Variants in FOXO3 observed in about 807,000 individuals in gnomAD.
The protein encoded by FOXO3 is forkhead box protein O3.
Under a neutral mutation model 41.9 loss-of-function variants are expected in FOXO3, and 4 were observed. That is an observed-to-expected ratio of 0.10 (90% CI 0.05 to 0.22). FOXO3 has a LOEUF of 0.22. FOXO3 is among the 10% of genes least tolerant of loss of function. The pLI, the probability that FOXO3 is intolerant of heterozygous loss-of-function variation, is 1.00. For missense variants in FOXO3, 534 were observed against 906.8 expected (o/e 0.59, Z 5.28); for synonymous variants, 318 against 389.3 (o/e 0.82, Z 2.16).
intron 1 of FOXO3, among the ~76,000 whole-genome samples, chr6:108,638,978 G>A (rs775191070): frequency 6.6e-6 from 1 of 152,196 alleles, no homozygotes; most frequent in Non-Finnish European, 1.5e-5. Context: ...GCCATCCAGA[G>A]TCCTTTTCCA....
chr6:108,618,175 T>C, intron 1 of FOXO3: 1 of 999,236 alleles, frequency 1.0e-6, no homozygotes, highest in Non-Finnish European at 1.6e-6. Context: ...TACTAAGTGG[T>C]GTATGCCTCT....
chr6:108,649,493 C>T (rs987505407), intron 1 of FOXO3, among the ~76,000 whole-genome samples: 21 of 150,454 alleles, frequency 1.4e-4, no homozygotes, highest in Non-Finnish European at 3.1e-4. Context: ...AGCTGATATC[C>T]CTAGTTCACC....
chr6:108,635,298 A>T (rs1040746036), intron 1 of FOXO3, among the ~76,000 whole-genome samples: 8 of 151,706 alleles, frequency 5.3e-5, no homozygotes, highest in African/African-American at 1.5e-4. Context: ...CCATCTCAAA[A>T]AAAAATAATA....
chr6:108,660,031 G>C (rs1778797643), intron 1 of FOXO3, among the ~76,000 whole-genome samples: 1 of 152,210 alleles, frequency 6.6e-6, no homozygotes, highest in South Asian at 2.1e-4. Flanking sequence ...AGTTAATTCT[G>C]TGTGTTGGTG....
intron 1 of FOXO3, among the ~76,000 whole-genome samples, chr6:108,590,909 C>T (rs1223439477): frequency 2.0e-5 from 3 of 152,210 alleles, no homozygotes; most frequent in Non-Finnish European, 4.4e-5. Context: ...CATCCTAGCT[C>T]AGCTGCCTCC....
Position 108,663,893 on chromosome 6 carries a change from C to T in FOXO3, c.1060C>T (p.Leu354=). 1.2e-6 allele frequency: 2 copies of T among 1,614,224 alleles called. No homozygotes were observed. Among genetic ancestry groups the T allele is most frequent in the Non-Finnish European group, 1.7e-6 (2 of 1,180,030 alleles). The stretch of plus-strand genomic sequence containing the variant: ...CATGCTCTACAGCAGCTCAGCCAGC[C>T]TGTCACCTTCAGTAAGCAAGCCGTG... The part of the protein sequence containing the change: ...SPMLYSSSAS[L]SPSVSKPCTV... Residue 354 remains leucine, a synonymous_variant, in exon 2 of 3, where the codon CTG becomes TTG. Transcript: ENST00000406360.
intron 1 of FOXO3, among the ~76,000 whole-genome samples, chr6:108,632,676 T>C (rs527281062): frequency 6.6e-6 from 1 of 152,276 alleles, no homozygotes; most frequent in South Asian, 2.1e-4. Flanking sequence ...ACGTTTGAGC[T>C]AGTGATCTGC....
chr6:108,670,603 T>C (rs4945815), intron 2 of FOXO3, among the ~76,000 whole-genome samples: 147,073 of 152,190 alleles, frequency 0.97, 71,161 homozygotes, highest in Non-Finnish European at 1. Flanking sequence ...CATTATGAAC[T>C]TTTTAGGGTA....
At chr6:108,579,000 C>T (rs1776337503) in intron 1 of FOXO3, among the ~76,000 whole-genome samples, 1 of 152,168 alleles carries the variant, frequency 6.6e-6, no homozygotes, top group Non-Finnish European at 1.5e-5. Flanking sequence ...GATCAGCTAG[C>T]TATATCAAAC....
chr6:108,684,525 A>G lies in FOXO3; in HGVS notation c.*4733A>G, dbSNP rs540899741. ...TCATCCTTCTTTCAATGCGAACACT[A>G]TCATATGGCATTCTTACTGAGGATT... On this transcript the variant is annotated 3_prime_UTR_variant, in exon 3 of 3. Coordinates refer to ENST00000406360, the MANE Select transcript of FOXO3 (RefSeq NM_001455.4). 1 of 152,704 alleles carries G rather than the reference A, an allele frequency of 6.5e-6. No homozygotes were observed. Among genetic ancestry groups the G allele is most frequent in the South Asian group, 2.1e-4 (1 of 4,826 alleles). The allele number at this position is 152,704 out of a possible 1,614,324, so 9.5% of individuals were successfully genotyped here.
intron 1 of FOXO3, among the ~76,000 whole-genome samples, chr6:108,589,055 T>A (rs1201129923): frequency 2.6e-5 from 4 of 152,180 alleles, no homozygotes; most frequent in African/African-American, 9.7e-5. Context: ...TTTGGTCCAG[T>A]GTGATGGAGA....
intron 2 of FOXO3, among the ~76,000 whole-genome samples, chr6:108,679,558 A>G (rs1770766374): frequency 6.6e-6 from 1 of 152,130 alleles, no homozygotes; most frequent in African/African-American, 2.4e-5. Flanking sequence ...TTTATCTCCC[A>G]AAGTGAATGA....
rs142210520 is a variant in FOXO3 at position 108,613,861 on chromosome 6, G to A, written c.622-49594G>A. Among the ~76,000 whole-genome samples the A allele has an allele frequency of 7.6e-3, 1,154 of 152,056 alleles. 7 individuals carry two copies. The highest frequency in any genetic ancestry group is 0.011 in the Non-Finnish European group (732 of 67,968). On this transcript the variant is annotated intron_variant, in intron 1 of 2. Transcript: ENST00000406360. The stretch of plus-strand genomic sequence containing the variant: ...TGAGACCTTCCTTCCTAATATAAAT[G>A]TTGAAAGCTATACATTCCTTGCTAC...
intron 1 of FOXO3, among the ~76,000 whole-genome samples, chr6:108,582,048 A>G (rs1007764976): frequency 3.9e-5 from 6 of 152,234 alleles, no homozygotes; most frequent in Non-Finnish European, 8.8e-5. Context: ...AAAGCCCTAC[A>G]AACAATGTCA....
At chr6:108,614,970 A>G (rs889992371) in intron 1 of FOXO3, among the ~76,000 whole-genome samples, 6 of 152,042 alleles carry the variant, frequency 3.9e-5, no homozygotes, top group African/African-American at 1.2e-4. Context: ...GGATTTACAC[A>G]TCTTTAACTG....
rs534664123 is a variant in FOXO3, at chr6:108,656,531, G to A, written c.622-6924G>A. 424 of 984,720 alleles carry A rather than the reference G, an allele frequency of 4.3e-4. 6 individuals are homozygous for A. In the South Asian group the frequency reaches 0.016, roughly 37 times the overall value. 61.0% of individuals were successfully genotyped at this position (984,720 alleles called of 1,614,324 possible). ...TTTTGGCTTAAAGTATATGATGCTC[G>A]GAAAACAGTAAGTTAACATTTATGA... On this transcript the variant is annotated intron_variant, in intron 1 of 2. Transcript: ENST00000406360.
intron 2 of FOXO3, among the ~76,000 whole-genome samples, chr6:108,666,077 A>G (rs187286490): frequency 7.9e-5 from 12 of 152,204 alleles, no homozygotes; most frequent in African/African-American, 1.4e-4. Context: ...GCCCACTTCT[A>G]CCACTTTCTT....
intron 1 of FOXO3, among the ~76,000 whole-genome samples, chr6:108,622,467 C>CCCCTTGCCCCT (rs1777696909): frequency 6.6e-6 from 1 of 152,136 alleles, no homozygotes; most frequent in Non-Finnish European, 1.5e-5. Context: ...TGGAGAATTA[C>CCCCTTGCCCCT]TGCAAGGATC....
At chr6:108,612,898 T>G (rs973827345) in intron 1 of FOXO3, among the ~76,000 whole-genome samples, 2 of 152,202 alleles carry the variant, frequency 1.3e-5, no homozygotes, top group African/African-American at 4.8e-5. Context: ...TTGTCACATA[T>G]TTCCTTTATC....
Sources: gnomAD v4.1 joint callset for allele counts (sites outside exome capture counted in the v4.1 genomes callset) on GRCh38, gnomAD v4.1.1 for gene constraint, MANE v1.5 for transcripts, NCBI Gene and HGNC (gene_info 2026-07-23, HGNC 2026-07-21) for gene names.